Variants in ABHD4 observed in about 807,000 individuals in gnomAD.
ABHD4 encodes abhydrolase domain containing 4, N-acyl phospholipase B.
Under a neutral mutation model 42.3 loss-of-function variants are expected in ABHD4, and 35 were observed. The observed-to-expected ratio is 0.83, with a 90% CI of 0.63 to 1.10. The LOEUF (loss-of-function observed/expected upper bound fraction) is 1.10, where lower values mean the gene tolerates loss of function less well. Among genes scored for constraint, ABHD4 ranks in the 50% least tolerant of loss-of-function variants. The pLI, the probability that ABHD4 is intolerant of heterozygous loss-of-function variation, is 0.00. For synonymous variants in ABHD4, 169 were observed against 170.6 expected (o/e 0.99, Z 0.07); for missense variants, 389 against 454.8 (o/e 0.86, Z 1.32).
intron 5 of ABHD4, among the ~76,000 whole-genome samples, chr14:22,609,433 C>T (rs1010328213): frequency 6.6e-6 from 1 of 152,204 alleles, no homozygotes; most frequent in Non-Finnish European, 1.5e-5. Flanking sequence ...TCCCCTTTCC[C>T]AGTCCAGGGC....
In ABHD4 at chr14:22,598,367, C is replaced by T. The variant is rs199737065; in HGVS notation, c.23+38C>T. On this transcript the variant is annotated intron_variant, in intron 1 of 6. Coordinates refer to ENST00000428304, the MANE Select transcript of ABHD4 (RefSeq NM_022060.3). ...TGTCCCTTTCTCTCTTTCTCTCTCT[C>T]TCTCTGGGCCATGATCCTGGGACTG... is the stretch of plus-strand genomic sequence containing the variant. The T allele has an allele frequency of 1.1e-3, 1,680 of 1,551,664 alleles. 15 individuals are homozygous for T. The African/African-American group carries it at 0.021, about 19-fold the overall frequency.
intron 5 of ABHD4, 105 bp downstream of exon 5, chr14:22,606,638 C>G: frequency 2.6e-6 from 2 of 779,550 alleles, no homozygotes; most frequent in Non-Finnish European, 4.2e-6. Context: ...AAAGCTCTGA[C>G]TCAGTTAGGT....
At chr14:22,598,564 C>T in intron 1 of ABHD4, 2 of 1,221,354 alleles carry the variant, frequency 1.6e-6, no homozygotes, top group Non-Finnish European at 2.3e-6. Flanking sequence ...GGGATCCTGG[C>T]TTTCTACCTT....
Position 22,603,467 on chromosome 14 carries a change from G to A in ABHD4, c.190G>A (p.Glu64Lys), listed in dbSNP as rs146234194. ...NKIWTVTVSP[E>K]QNDRTPLVMV... ...GATCTGGACGGTGACTGTGAGCCCC[G>A]AGCAAAACGACCGCACCCCCTTGGT... The change falls in exon 3 of 7, where the codon GAG becomes AAG. Residue 64 changes from glutamate to lysine, a missense_variant. This residue lies in a region of ABHD4 where 102 missense variants were observed against 128.3 expected (regional missense o/e 0.80). Coordinates refer to ENST00000428304, the MANE Select transcript of ABHD4 (RefSeq NM_022060.3). 37 of 1,613,956 alleles carry A rather than the reference G, an allele frequency of 2.3e-5. No individual in the cohort carries two copies. The African/African-American group carries it at 3.2e-4, about 14-fold the overall frequency.
chr14:22,604,281 C>T lies in ABHD4; in HGVS notation c.640+202C>T, dbSNP rs993712724. On this transcript the variant is annotated intron_variant, in intron 4 of 6. Transcript: ENST00000428304. ...GTTTTGTTTTTTTGAGACAAAGTCT[C>T]GCTCTGTCACCCAGGCTGGAGTGCA... The T allele has an allele frequency of 4.1e-5, 25 of 612,716 alleles. No individual in the cohort carries two copies. In the East Asian group the frequency reaches 5.3e-4, roughly 13 times the overall value. The allele number at this position is 612,716 out of a possible 1,614,324, so 38.0% of individuals were successfully genotyped here. A position where few individuals can be genotyped will look rare whatever the true frequency, so the allele number is the denominator to read the frequency against.
At chr14:22,601,545 G>T (rs934414488) in intron 1 of ABHD4, 122 bp from the exon 2 acceptor site, 2 of 841,306 alleles carry the variant, frequency 2.4e-6, no homozygotes, top group Non-Finnish European at 3.9e-6. Flanking sequence ...ATGGGGGGCA[G>T]GTCTCTCAAG....
At chr14:22,609,170 G>C (rs540736549) in intron 5 of ABHD4, among the ~76,000 whole-genome samples, 1 of 150,568 alleles carries the variant, frequency 6.6e-6, no homozygotes, top group South Asian at 2.1e-4. Context: ...GCTAATTTTT[G>C]TATTTTTAGT....
rs373621259 is a variant in ABHD4 at position 22,606,542 on chromosome 14, C to T, written c.752+9C>T. 26 of 1,591,894 alleles carry T rather than the reference C, an allele frequency of 1.6e-5. No homozygotes were observed. Among genetic ancestry groups the T allele is most frequent in the Admixed American group, 1.4e-4 (8 of 59,124 alleles). On this transcript the variant is annotated intron_variant, in intron 5 of 6. Transcript: ENST00000428304. ...AACGCACAGAATCCCAGGTGAGGGC[C>T]GCTCCCCAGGCCAGCTTGGGGCAGA...
chr14:22,609,992 G>A, intron 6 of ABHD4, 82 bp downstream of exon 6: 6 of 1,351,044 alleles, frequency 4.4e-6, no homozygotes, highest in Non-Finnish European at 5.1e-6. Context: ...GGGTGATCAA[G>A]GAGAAAGAGG....
intron 6 of ABHD4, 132 bp from the exon 7 acceptor site, chr14:22,610,727 G>C (rs1401990871): frequency 4.4e-6 from 3 of 678,882 alleles, no homozygotes; most frequent in East Asian, 2.7e-5. Context: ...AAGCGAGAAA[G>C]GTGGAGCATT....
In ABHD4 at chr14:22,609,838, C is replaced by A. The variant is rs150961383; in HGVS notation, c.867C>A (p.Ser289=). The A allele has an allele frequency of 1.2e-6, 2 of 1,614,022 alleles. No individual in the cohort carries two copies. Among genetic ancestry groups the A allele is most frequent in the Non-Finnish European group, 1.7e-6 (2 of 1,180,012 alleles). Residue 289 remains serine (S), a synonymous_variant, in exon 6 of 7, where the codon TCC becomes TCA. Transcript: ENST00000428304. Reference sequence around the variant, plus strand: ...TGCCTATCACTATGATCTACGGGTCCGACACCTGGATAGATACCAGTACGG... The same window carrying A: ...TGCCTATCACTATGATCTACGGGTCAGACACCTGGATAGATACCAGTACGG... ...KDVPITMIYG[S]DTWIDTSTGK...
chr14:22,612,151 C>T lies in ABHD4; in HGVS notation c.*1203C>T, dbSNP rs535535442. On this transcript the variant is annotated 3_prime_UTR_variant, in exon 7 of 7. Transcript: ENST00000428304. ...TTTCCAGCTCAATCCACCCCTGACCCATCTGTCAGCTTTTTCCCAGGGAGC... is the reference window on the plus strand; with the variant it reads ...TTTCCAGCTCAATCCACCCCTGACCTATCTGTCAGCTTTTTCCCAGGGAGC... 1 of 152,716 alleles carries T rather than the reference C, an allele frequency of 6.5e-6. No individual in the cohort carries two copies. The highest frequency in any genetic ancestry group is 1.9e-4 in the East Asian group (1 of 5,198). 9.5% of individuals were successfully genotyped at this position (152,716 alleles called of 1,614,324 possible). A position where few individuals can be genotyped will look rare whatever the true frequency, so the allele number is the denominator to read the frequency against.
chr14:22,608,495 C>T (rs1217328375), intron 5 of ABHD4, among the ~76,000 whole-genome samples: 4 of 152,148 alleles, frequency 2.6e-5, no homozygotes, highest in Non-Finnish European at 5.9e-5. Flanking sequence ...ACTGCTGCTC[C>T]CCCAGCCCTT....
At chr14:22,600,791 G>A (rs2225215) in intron 1 of ABHD4, among the ~76,000 whole-genome samples, 50,269 of 151,240 alleles carry the variant, frequency 0.33, 8,697 homozygotes, top group Middle Eastern at 0.38. Flanking sequence ...AAACCATTCT[G>A]CTCATCAATG....
chr14:22,598,379 T>G, intron 1 of ABHD4, 50 bp downstream of exon 1: 1 of 1,551,280 alleles, frequency 6.4e-7, no homozygotes, highest in Non-Finnish European at 8.7e-7. Context: ...CTCTGGGCCA[T>G]GATCCTGGGA....
In ABHD4 at chr14:22,604,431, T is replaced by C. The variant is rs556185102; in HGVS notation, c.640+352T>C. Among the ~76,000 whole-genome samples, 14 of 152,284 alleles carry C rather than the reference T, an allele frequency of 9.2e-5. No individual in the cohort carries two copies. The South Asian group carries it at 2.9e-3, about 32-fold the overall frequency. On this transcript the variant is annotated intron_variant, in intron 4 of 6. Coordinates refer to ENST00000428304, the MANE Select transcript of ABHD4 (RefSeq NM_022060.3). ...ATGCCCGGCTAATTTTTTGTGTTTT[T>C]AGTAGAGACGGGGTTTCATCGTGTT...
rs2037409751 is a variant in ABHD4, at chr14:22,611,026, C to G, written c.*78C>G. On this transcript the variant is annotated 3_prime_UTR_variant, in exon 7 of 7. Coordinates refer to ENST00000428304, the MANE Select transcript of ABHD4 (RefSeq NM_022060.3). ...TGTCTGCTTACTCACCCACTCTGTCCTTTCCTCACCAACTAACATGTGCCA... is the reference window on the plus strand; with the variant it reads ...TGTCTGCTTACTCACCCACTCTGTCGTTTCCTCACCAACTAACATGTGCCA... 7.8e-7 allele frequency: 1 copy of G among 1,284,106 alleles called. No individual in the cohort carries two copies. The highest frequency in any genetic ancestry group is 1.5e-5 in the African/African-American group (1 of 68,518). 79.5% of individuals were successfully genotyped at this position (1,284,106 alleles called of 1,614,324 possible). A position where few individuals can be genotyped will look rare whatever the true frequency, so the allele number is the denominator to read the frequency against.
intron 4 of ABHD4, 52 bp downstream of exon 4, chr14:22,604,131 C>T: frequency 6.3e-7 from 1 of 1,582,698 alleles, no homozygotes; most frequent in Non-Finnish European, 8.6e-7. Context: ...TTCTAGAAGG[C>T]CCACAGTGTC....
chr14:22,609,668 G>T, intron 5 of ABHD4, 56 bp from the exon 6 acceptor site: 4 of 1,569,962 alleles, frequency 2.5e-6, no homozygotes, highest in Non-Finnish European at 3.5e-6. Flanking sequence ...TCTCTGAAGA[G>T]ACCAACAAGT....
Sources: gnomAD v4.1 joint callset for allele counts (sites outside exome capture counted in the v4.1 genomes callset) on GRCh38, gnomAD v4.1.1 for gene constraint, gnomAD v4.1.1 regional missense constraint, MANE v1.5 for transcripts, NCBI Gene and HGNC (gene_info 2026-07-23, HGNC 2026-07-21) for gene names.